The following THUMPD2 variants were observed in gnomAD, a reference collection of about 807,000 sequenced individuals.
The protein encoded by THUMPD2 is U6 snRNA (guanine-N(2))-methyltransferase THUMPD2.
THUMPD2 carries 56 observed loss-of-function variants against 49.4 expected under a neutral mutation model. The observed-to-expected ratio is 1.13, with a 90% CI of 0.91 to 1.41. THUMPD2 has a LOEUF of 1.41. Among genes scored for constraint, THUMPD2 ranks in the 40% most tolerant of loss-of-function variants. The pLI is 0.00. For synonymous variants in THUMPD2, 237 were observed against 205.2 expected, an observed-to-expected ratio of 1.15 and a Z score of -1.32; for missense variants, 709 against 594.5, an observed-to-expected ratio of 1.19 and a Z score of -2.00.
intron 1 of THUMPD2, among the ~76,000 whole-genome samples, chr2:39,778,454 A>C (rs139792382): frequency 6.6e-6 from 1 of 152,342 alleles, no homozygotes; most frequent in Non-Finnish European, 1.5e-5. Context: ...CCAAGAGTAC[A>C]TCACTCACAG....
chr2:39,764,917 C>T (rs78448670), intron 5 of THUMPD2, among the ~76,000 whole-genome samples: 2,118 of 152,264 alleles, frequency 0.014, 18 homozygotes, highest in Non-Finnish European at 0.021. Flanking sequence ...CTTCAAGGTA[C>T]ACTATCAATT....
chr2:39,759,452 A>C (rs1022334684), intron 6 of THUMPD2, among the ~76,000 whole-genome samples: 2 of 152,082 alleles, frequency 1.3e-5, no homozygotes, highest in Admixed American at 6.6e-5. Flanking sequence ...ATCCCATGAG[A>C]TATTACTACT....
rs751989385 is a variant in THUMPD2, at chr2:39,779,251, C to G, written c.-12G>C. ...CGCGCCTCCGACATGGCGGCTCAGG[C>G]GCGCCCTCGCGCCTTCGGGTCACGT... On this transcript the variant is annotated 5_prime_UTR_variant, in exon 1 of 10. Coordinates refer to ENST00000505747, the MANE Select transcript of THUMPD2 (RefSeq NM_025264.5). The G allele has an allele frequency of 8.8e-6, 13 of 1,476,894 alleles. No individual in the cohort carries two copies. The South Asian group carries it at 1.7e-4, about 19-fold the overall frequency. The allele number at this position is 1,476,894 out of a possible 1,614,324, so 91.5% of individuals were successfully genotyped here.
At chr2:39,761,962 C>A (rs534724431) in intron 5 of THUMPD2, among the ~76,000 whole-genome samples, 1 of 152,174 alleles carries the variant, frequency 6.6e-6, no homozygotes, top group African/African-American at 2.4e-5. Context: ...TGGGCCAAAG[C>A]AGACATCTCC....
At chr2:39,777,212 T>C (rs1478238240) in intron 1 of THUMPD2, among the ~76,000 whole-genome samples, 5 of 152,240 alleles carry the variant, frequency 3.3e-5, no homozygotes, top group Non-Finnish European at 7.3e-5. Flanking sequence ...AAAGTAGCTA[T>C]CATCTCTATT....
chr2:39,737,165 A>G, intron 9 of THUMPD2, 106 bp from the exon 10 acceptor site: 2 of 1,059,458 alleles, frequency 1.9e-6, no homozygotes, highest in Non-Finnish European at 2.7e-6. Context: ...ATTTAATTTT[A>G]TCCATTTAAA....
chr2:39,754,615 A>C (rs978426805), intron 8 of THUMPD2, among the ~76,000 whole-genome samples: 1 of 152,228 alleles, frequency 6.6e-6, no homozygotes, highest in Non-Finnish European at 1.5e-5. Context: ...TGGGGGAATA[A>C]GAAAAAAACA....
At chr2:39,762,228 G>C (rs1676913489) in intron 5 of THUMPD2, among the ~76,000 whole-genome samples, 1 of 152,102 alleles carries the variant, frequency 6.6e-6, no homozygotes, top group South Asian at 2.1e-4. Flanking sequence ...GTTTGTCTTG[G>C]GGTTGGCTTC....
intron 1 of THUMPD2, among the ~76,000 whole-genome samples, chr2:39,773,169 T>C (rs1351585388): frequency 6.6e-6 from 1 of 152,218 alleles, no homozygotes; most frequent in Admixed American, 6.5e-5. Flanking sequence ...AACTAAAGTA[T>C]ATACTTCAAA....
At chr2:39,763,686 T>C (rs995469420) in intron 5 of THUMPD2, among the ~76,000 whole-genome samples, 1 of 152,176 alleles carries the variant, frequency 6.6e-6, no homozygotes. Flanking sequence ...AAAATATAAT[T>C]TTCTTGGTAA....
At chr2:39,744,318 G>C in intron 9 of THUMPD2, 52 bp downstream of exon 9, 1 of 1,089,888 alleles carries the variant, frequency 9.2e-7, no homozygotes, top group Non-Finnish European at 1.3e-6. Flanking sequence ...GATGTATTTC[G>C]GTTAAATGCC....
rs1673099637 is a variant in THUMPD2 at position 39,736,523 on chromosome 2, T to C, written c.*212A>G. The C allele has an allele frequency of 7.0e-6, 3 of 430,330 alleles. No individual in the cohort carries two copies. Among genetic ancestry groups the C allele is most frequent in the African/African-American group, 4.0e-5 (2 of 49,754 alleles). The allele number at this position is 430,330 out of a possible 1,614,324, so 26.7% of individuals were successfully genotyped here. ...AGATAAAACTTAAGTCTAAAAAATA[T>C]TCGATAACTTTTTTCTCAAAAACAT... On this transcript the variant is annotated 3_prime_UTR_variant, in exon 10 of 10. Coordinates refer to ENST00000505747, the MANE Select transcript of THUMPD2 (RefSeq NM_025264.5).
intron 8 of THUMPD2, 84 bp downstream of exon 8, chr2:39,755,211 A>G: frequency 5.4e-6 from 5 of 925,494 alleles, no homozygotes; most frequent in South Asian, 1.8e-5. Flanking sequence ...CAACCTTTAC[A>G]TAGTGAGACT....
chr2:39,744,539 A>C (rs1385771494), intron 8 of THUMPD2, 61 bp from the exon 9 acceptor site: 2 of 1,098,624 alleles, frequency 1.8e-6, no homozygotes, highest in Non-Finnish European at 2.6e-6. Flanking sequence ...AACTTAAATA[A>C]TGAGAAAATT....
chr2:39,768,937 A>G (rs1677914931), intron 3 of THUMPD2: 3 of 1,303,704 alleles, frequency 2.3e-6, no homozygotes, highest in Middle Eastern at 2.1e-4. Flanking sequence ...TTGATAAAGT[A>G]TTCAGACCAA....
At chr2:39,778,998 G>T in intron 1 of THUMPD2, 116 bp downstream of exon 1, 1 of 1,281,058 alleles carries the variant, frequency 7.8e-7, no homozygotes, top group Non-Finnish European at 1.0e-6. Context: ...GTCGGCGACC[G>T]TCGCGTGGAA....
At chr2:39,761,962 C>T (rs534724431) in intron 5 of THUMPD2, among the ~76,000 whole-genome samples, 2 of 152,174 alleles carry the variant, frequency 1.3e-5, no homozygotes, top group African/African-American at 4.8e-5. Context: ...TGGGCCAAAG[C>T]AGACATCTCC....
At chr2:39,749,371 C>T (rs1558499316) in intron 8 of THUMPD2, among the ~76,000 whole-genome samples, 1 of 152,178 alleles carries the variant, frequency 6.6e-6, no homozygotes, top group Non-Finnish European at 1.5e-5. Context: ...TAACTATCTG[C>T]AAAGGTCTTC....
chr2:39,738,523 C>T (rs1295616725), intron 9 of THUMPD2, among the ~76,000 whole-genome samples: 1 of 151,686 alleles, frequency 6.6e-6, no homozygotes, highest in Non-Finnish European at 1.5e-5. Flanking sequence ...GAGATTGCAC[C>T]ACTGCACTCT....
Sources: gnomAD v4.1 joint callset for allele counts (sites outside exome capture counted in the v4.1 genomes callset) on GRCh38, gnomAD v4.1.1 for gene constraint, MANE v1.5 for transcripts, NCBI Gene and HGNC (gene_info 2026-07-23, HGNC 2026-07-21) for gene names.